The following AP4E1 variants were observed in gnomAD, a reference collection of about 807,000 sequenced individuals.
AP4E1 encodes adaptor related protein complex 4 subunit epsilon 1.
Under a neutral mutation model 128.2 loss-of-function variants are expected in AP4E1, and 56 were observed. That is an observed-to-expected ratio of 0.44 (90% CI 0.35 to 0.55). The LOEUF is 0.55. Ranked by LOEUF, AP4E1 falls within the 20% of genes least tolerant of loss-of-function variation. The pLI is 0.00. For missense variants in AP4E1, 1,324 were observed against 1,307.7 expected (o/e 1.01, Z -0.19); for synonymous variants, 484 against 473.1 (o/e 1.02, Z -0.30).
rs2065007893 is a variant in AP4E1, at chr15:51,005,484, C to T, written c.*2822C>T. On this transcript the variant is annotated 3_prime_UTR_variant, in exon 21 of 21. Coordinates refer to ENST00000261842, the MANE Select transcript of AP4E1 (RefSeq NM_007347.5). ...CTGAGTAAGGGTCCTGCTAGAGAAA[C>T]TGCAGATGGAAGCTGAGCAGTTACC... is the stretch of plus-strand genomic sequence containing the variant. The T allele has an allele frequency of 6.6e-6, 1 of 152,644 alleles. No individual in the cohort carries two copies. The highest frequency in any genetic ancestry group is 1.5e-5 in the Non-Finnish European group (1 of 68,070). 9.5% of individuals were successfully genotyped at this position (152,644 alleles called of 1,614,324 possible).
At position 51,004,191 on chromosome 15, in the gene AP4E1, T is replaced by G. The variant is rs1031479851; in HGVS notation, c.*1529T>G. 1.3e-5 allele frequency: 2 copies of G among 152,358 alleles called. No individual in the cohort carries two copies. Among genetic ancestry groups the G allele is most frequent in the African/African-American group, 4.8e-5 (2 of 41,570 alleles). The allele number at this position is 152,358 out of a possible 1,614,324, so 9.4% of individuals were successfully genotyped here. On this transcript the variant is annotated 3_prime_UTR_variant, in exon 21 of 21. Transcript: ENST00000261842. ...CCCCAGGCTCTCAGCAGTGTCATGA[T>G]GAAATGAGTGTGCTGACTTCAGGGG...
intron 13 of AP4E1, among the ~76,000 whole-genome samples, chr15:50,955,855 G>A (rs527793012): frequency 6.6e-6 from 1 of 152,332 alleles, no homozygotes; most frequent in Admixed American, 6.5e-5. Context: ...CCTGGTGAGG[G>A]TAGAAGTCTT....
At chr15:50,983,847 C>G (rs908659955) in intron 15 of AP4E1, among the ~76,000 whole-genome samples, 175 bp from the exon 16 acceptor site, 1 of 151,896 alleles carries the variant, frequency 6.6e-6, no homozygotes, top group Non-Finnish European at 1.5e-5. Context: ...AGACATTTAC[C>G]AAATGGTAGT....
chr15:50,931,071 A>T, intron 7 of AP4E1, 100 bp downstream of exon 7: 2 of 1,407,886 alleles, frequency 1.4e-6, no homozygotes, highest in Middle Eastern at 2.0e-4. Context: ...GATTCTTCCA[A>T]TGTTTAATTG....
intron 2 of AP4E1, among the ~76,000 whole-genome samples, chr15:50,915,043 G>A (rs2063612812): frequency 6.6e-6 from 1 of 152,168 alleles, no homozygotes; most frequent in East Asian, 1.9e-4. Context: ...CAACTTGTGG[G>A]AATTTTATGG....
intron 3 of AP4E1, among the ~76,000 whole-genome samples, chr15:50,922,382 T>C (rs1353136328): frequency 6.6e-6 from 1 of 152,048 alleles, no homozygotes; most frequent in Non-Finnish European, 1.5e-5. Flanking sequence ...ATCTCTTTCT[T>C]GGCCCGGGTC....
At chr15:50,920,063 C>T (rs967656650) in intron 3 of AP4E1, among the ~76,000 whole-genome samples, 8 of 124,116 alleles carry the variant, frequency 6.4e-5, no homozygotes, top group East Asian at 2.3e-4. Context: ...GGCAACACAG[C>T]GATAATATGT....
At chr15:50,950,825 A>G (rs1481948417) in intron 13 of AP4E1, among the ~76,000 whole-genome samples, 3 of 151,988 alleles carry the variant, frequency 2.0e-5, no homozygotes, top group Non-Finnish European at 4.4e-5. Context: ...CGTGTGTCCT[A>G]TGTTCTCATT....
chr15:50,973,798 T>A (rs980974560), intron 15 of AP4E1, among the ~76,000 whole-genome samples: 1 of 152,260 alleles, frequency 6.6e-6, no homozygotes, highest in Non-Finnish European at 1.5e-5. Flanking sequence ...TATGACATCA[T>A]CTTTATCCAT....
chr15:50,941,316 A>T, intron 8 of AP4E1, 126 bp from the exon 9 acceptor site: 1 of 1,073,692 alleles, frequency 9.3e-7, no homozygotes, highest in Non-Finnish European at 1.4e-6. Context: ...TTTCTGTGAA[A>T]AGTCCATAAA....
chr15:50,910,167 A>G (rs1409708994), intron 1 of AP4E1, among the ~76,000 whole-genome samples: 1 of 152,106 alleles, frequency 6.6e-6, no homozygotes, highest in Non-Finnish European at 1.5e-5. Flanking sequence ...TTGTATTTTT[A>G]GTAGAGACAG....
chr15:50,987,041 C>G (rs970749859), intron 16 of AP4E1, among the ~76,000 whole-genome samples: 6 of 152,186 alleles, frequency 3.9e-5, no homozygotes, highest in African/African-American at 7.2e-5. Flanking sequence ...CCTTGGGAGG[C>G]TGTATGTGTC....
chr15:50,912,627 C>G (rs2063578824), intron 2 of AP4E1, among the ~76,000 whole-genome samples: 1 of 151,602 alleles, frequency 6.6e-6, no homozygotes, highest in Admixed American at 6.6e-5. Context: ...GTGGGGCTGT[C>G]CCAGCATAGC....
intron 11 of AP4E1, among the ~76,000 whole-genome samples, chr15:50,948,925 T>G (rs983293279): frequency 6.6e-6 from 1 of 150,826 alleles, no homozygotes; most frequent in African/African-American, 2.4e-5. Context: ...TGAGCTGAGA[T>G]TGCACCATTG....
chr15:51,000,138 A>G lies in AP4E1; in HGVS notation c.3095+876A>G, dbSNP rs1327840939. ...CAATACAATGCTCTCGTTTTTGTTC[A>G]TTCTTTTTTTTTTTTTTTTTTTTAA... is the stretch of plus-strand genomic sequence containing the variant. On this transcript the variant is annotated intron_variant, in intron 19 of 20. Coordinates refer to ENST00000261842, the MANE Select transcript of AP4E1 (RefSeq NM_007347.5). Among the ~76,000 whole-genome samples the G allele has an allele frequency of 7.6e-5, 7 of 92,136 alleles. No individual in the cohort carries two copies. The South Asian group carries it at 2.9e-3, about 39-fold the overall frequency. The allele number at this position is 92,136 out of a possible 152,430, so 60.4% of individuals were successfully genotyped here.
At chr15:50,983,914 A>T in intron 15 of AP4E1, 108 bp from the exon 16 acceptor site, 1 of 1,107,028 alleles carries the variant, frequency 9.0e-7, no homozygotes, top group Non-Finnish European at 1.3e-6. Context: ...TAGAGTTTAA[A>T]AATGGCTATT....
At chr15:50,910,761 T>C (rs960539399) in intron 1 of AP4E1, among the ~76,000 whole-genome samples, 1 of 152,226 alleles carries the variant, frequency 6.6e-6, no homozygotes, top group Non-Finnish European at 1.5e-5. Flanking sequence ...GTTCAAGTGA[T>C]TCTTCTGCCT....
intron 13 of AP4E1, among the ~76,000 whole-genome samples, chr15:50,955,490 G>A (rs1244718381): frequency 2.6e-5 from 4 of 152,156 alleles, no homozygotes; most frequent in Non-Finnish European, 5.9e-5. Flanking sequence ...TTGTGATGGT[G>A]TTGTTCAGTT....
At chr15:50,945,893 A>C in intron 10 of AP4E1, 1 of 1,038,870 alleles carries the variant, frequency 9.6e-7, no homozygotes, top group Non-Finnish European at 1.5e-6. Context: ...TGCATCATGA[A>C]AGAAGCTCGT....
Sources: allele counts gnomAD v4.1 joint callset (sites outside exome capture counted in the v4.1 genomes callset), GRCh38; gene constraint gnomAD v4.1.1; transcripts MANE v1.5; gene names NCBI Gene and HGNC (gene_info 2026-07-23, HGNC 2026-07-21).